Variants in CASZ1 observed in about 807,000 individuals in gnomAD.
CASZ1 encodes the protein castor zinc finger 1.
Under a neutral mutation model 135.2 loss-of-function variants are expected in CASZ1, and 28 were observed. The observed-to-expected ratio is 0.21, with a 90% confidence interval of 0.15 to 0.28. The LOEUF is 0.28. Ranked by LOEUF, CASZ1 falls within the 10% of genes least tolerant of loss-of-function variation. The pLI, the probability that CASZ1 is intolerant of heterozygous loss-of-function variation, is 1.00. For synonymous variants in CASZ1, 1,068 were observed against 1,073.4 expected (o/e 0.99, Z 0.10); for missense variants, 2,161 against 2,453.3 (o/e 0.88, Z 2.52).
Position 10,639,657 on chromosome 1 carries a change from A to C in CASZ1, c.4565T>G (p.Phe1522Cys), listed in dbSNP as rs1642132053. ...GACCTTGGTGCTGTCGGTGCAGCGG[A>C]AGCGGCAGCGCAGGCAGTGGAAGTG... The part of the protein sequence containing the change: ...STHFHCLRCR[F>C]RCTDSTKVTA... The change falls in exon 21 of 21, where the codon TTC becomes TGC. Residue 1522 changes from phenylalanine to cysteine, a missense_variant. Physicochemically the swap from Phe to Cys is radical, Grantham distance 205. This residue lies in a region of CASZ1 where 240 missense variants were observed against 321.4 expected (regional missense o/e 0.75). Transcript: ENST00000377022. The surrounding 1 kb of genome is among the most constrained non-coding windows in gnomAD (Gnocchi z 4.0). 3.1e-6 allele frequency: 5 copies of C among 1,604,182 alleles called. No individual in the cohort carries two copies. Among genetic ancestry groups the C allele is most frequent in the Non-Finnish European group, 3.4e-6 (4 of 1,177,236 alleles).
In CASZ1 at chr1:10,700,106, CACACACACACAG is replaced by C. The variant is rs1639029941; in HGVS notation, c.-24+5374_-24+5385del. 6.6e-6 allele frequency among the ~76,000 whole-genome samples: 1 copy of C among 151,950 alleles called. No homozygotes were observed. Among genetic ancestry groups the C allele is most frequent in the Non-Finnish European group, 1.5e-5 (1 of 67,942 alleles). ...ACACACACACACACACACACACACA[CACACACACACAG>C]AGTATGAAGCAGGGACCTGGGCTAG... On this transcript the variant is annotated intron_variant, in intron 3 of 20. Coordinates refer to ENST00000377022, the MANE Select transcript of CASZ1 (RefSeq NM_001079843.3). The surrounding 1 kb of genome is among the most constrained non-coding windows in gnomAD (Gnocchi z 4.2).
At chr1:10,742,452 A>C (rs532646183) in intron 2 of CASZ1, among the ~76,000 whole-genome samples, 1 of 152,316 alleles carries the variant, frequency 6.6e-6, no homozygotes, top group South Asian at 2.1e-4. Context: ...GAACAGGCAG[A>C]GATTCCAGCC....
In CASZ1 at chr1:10,647,978, G is replaced by A. The variant is rs771060379; in HGVS notation, c.3320C>T (p.Pro1107Leu). ...VSSLEGPAPS[P>L]ASVPSTPTLL... ...GGTGGGGGTGGAGGGCACGGAGGCC[G>A]GGCTGGGAGCGGGCCCCTCCAGAGA... The change falls in exon 16 of 21, where the codon CCG (proline) becomes CTG (leucine). Residue 1107 changes from proline (P) to leucine (L), a missense_variant. This residue lies in a region of CASZ1 where 349 missense variants were observed against 460.8 expected (regional missense o/e 0.76). Transcript: ENST00000377022. This position sits in a 1 kb window ranked among gnomAD's most constrained non-coding sequence, Gnocchi z 4.9. The A allele has an allele frequency of 1.1e-5, 17 of 1,607,944 alleles. No individual in the cohort carries two copies. The highest frequency in any genetic ancestry group is 4.0e-5 in the African/African-American group (3 of 74,808).
chr1:10,663,158 C>T (rs1256771054), intron 5 of CASZ1, among the ~76,000 whole-genome samples: 1 of 152,244 alleles, frequency 6.6e-6, no homozygotes, highest in African/African-American at 2.4e-5. Flanking sequence ...GCTGACTACA[C>T]AGCCAAGGGA....
In CASZ1 at chr1:10,690,989, C is replaced by T. The variant is rs186409245; in HGVS notation, c.16+2885G>A. Among the ~76,000 whole-genome samples, 133 of 152,230 alleles carry T rather than the reference C, an allele frequency of 8.7e-4. 1 individual carries two copies. The highest frequency in any genetic ancestry group is 3.1e-3 in the African/African-American group (130 of 41,514). On this transcript the variant is annotated intron_variant, in intron 4 of 20. Coordinates refer to ENST00000377022, the MANE Select transcript of CASZ1 (RefSeq NM_001079843.3). ...TGTACCTGTGTCTGAAAGCTTCCTC[C>T]CATCTCCCCTCCCCCCTTCCCGCTC... is the stretch of plus-strand genomic sequence containing the variant.
At chr1:10,655,579 G>T (rs890928404) in intron 9 of CASZ1, 70 bp downstream of exon 9, 6 of 1,435,816 alleles carry the variant, frequency 4.2e-6, no homozygotes, top group Non-Finnish European at 5.7e-6. Flanking sequence ...CTCTGGGAGT[G>T]GGGGGCTCAG....
At chr1:10,744,376 C>T (rs982685783) in intron 2 of CASZ1, among the ~76,000 whole-genome samples, 15 of 147,868 alleles carry the variant, frequency 1.0e-4, no homozygotes, top group Non-Finnish European at 1.5e-4. Context: ...CTGGGCACCA[C>T]GAGCAGGCAT....
At position 10,650,733 on chromosome 1, in the gene CASZ1, C is replaced by T. The variant is rs768009827; in HGVS notation, c.2839G>A (p.Val947Ile). ...GATAAAAGAGATGAATTTGCCGGGA[C>T]TGCGTGGCCATTTGATTCGTTGCTA... ...EPSNESNGHA[V>I]PANSSLLSSL... The change falls in exon 13 of 21, where the codon GTC becomes ATC. Residue 947 changes from valine to isoleucine, a missense_variant. This residue lies in a region of CASZ1 where 406 missense variants were observed against 387.6 expected (regional missense o/e 1.05). Coordinates refer to ENST00000377022, the MANE Select transcript of CASZ1 (RefSeq NM_001079843.3). 20 of 1,614,044 alleles carry T rather than the reference C, an allele frequency of 1.2e-5. No individual in the cohort carries two copies. The highest frequency in any genetic ancestry group is 1.6e-5 in the Non-Finnish European group (19 of 1,179,982).
chr1:10,670,855 G>A (rs369746225), intron 4 of CASZ1, among the ~76,000 whole-genome samples: 1 of 151,744 alleles, frequency 6.6e-6, no homozygotes, highest in Admixed American at 6.6e-5. Context: ...GCCAGGACCC[G>A]TCCCCTCCAT....
rs1416629412 is a variant in CASZ1, at chr1:10,709,489, G to A, written c.-76-3945C>T. Among the ~76,000 whole-genome samples, 1 of 152,224 alleles carries A rather than the reference G, an allele frequency of 6.6e-6. No homozygotes were observed. The highest frequency in any genetic ancestry group is 1.5e-5 in the Non-Finnish European group (1 of 68,038). On this transcript the variant is annotated intron_variant, in intron 2 of 20. Coordinates refer to ENST00000377022, the MANE Select transcript of CASZ1 (RefSeq NM_001079843.3). This position sits in a 1 kb window ranked among gnomAD's most constrained non-coding sequence, Gnocchi z 5.1. ...TTCCTGTATTGAGGAGCTGTCAGGA[G>A]CCCGAGTGAGAGTCTCACTACCCCG...
At chr1:10,641,154 G>C (rs762830941) in intron 20 of CASZ1, among the ~76,000 whole-genome samples, 5 of 152,392 alleles carry the variant, frequency 3.3e-5, no homozygotes, top group Non-Finnish European at 7.3e-5. Flanking sequence ...GCCACCCGGA[G>C]TGGACAAAAA....
At chr1:10,715,462 C>T (rs1399621696) in intron 2 of CASZ1, among the ~76,000 whole-genome samples, 1 of 151,856 alleles carries the variant, frequency 6.6e-6, no homozygotes, top group African/African-American at 2.4e-5. Flanking sequence ...GCAGAGATGC[C>T]TCCTCCACTC....
chr1:10,683,760 C>T (rs1285772354), intron 4 of CASZ1, among the ~76,000 whole-genome samples: 2 of 152,164 alleles, frequency 1.3e-5, no homozygotes, highest in South Asian at 2.1e-4. Flanking sequence ...ATGGGCACTC[C>T]GGGATGCCTC....
rs539193388 is a variant in CASZ1, at chr1:10,774,793, C to T, written c.-233-13936G>A. 5.8e-4 allele frequency among the ~76,000 whole-genome samples: 89 copies of T among 152,230 alleles called. No homozygotes were observed. Among genetic ancestry groups the T allele is most frequent in the Non-Finnish European group, 1.0e-3 (69 of 68,010 alleles). On this transcript the variant is annotated intron_variant, in intron 1 of 20. Transcript: ENST00000377022. This position sits in a 1 kb window ranked among gnomAD's most constrained non-coding sequence, Gnocchi z 4.4. ...CCCTCCTCTGTCCCAGCGCCAAGTT[C>T]CCTGCAACCCACAAGCACAGTCCTG...
chr1:10,786,944 G>T (rs1322169446), intron 1 of CASZ1, among the ~76,000 whole-genome samples: 1 of 152,016 alleles, frequency 6.6e-6, no homozygotes, highest in Non-Finnish European at 1.5e-5. Flanking sequence ...ACGGCTTTCT[G>T]GAATGGAATT....
In CASZ1 at chr1:10,781,388, C is replaced by T. The variant is rs955532819; in HGVS notation, c.-234+15176G>A. On this transcript the variant is annotated intron_variant, in intron 1 of 20. Transcript: ENST00000377022. ...AGGGCAAGGGCCACACTCCCGTCTGCGAGGAGAAGCCAAGGAGAACCAAGA... is the reference window on the plus strand; with the variant it reads ...AGGGCAAGGGCCACACTCCCGTCTGTGAGGAGAAGCCAAGGAGAACCAAGA... Among the ~76,000 whole-genome samples the T allele has an allele frequency of 4.6e-5, 7 of 152,226 alleles. No individual in the cohort carries two copies. The South Asian group carries it at 6.2e-4, about 13-fold the overall frequency.
intron 5 of CASZ1, among the ~76,000 whole-genome samples, chr1:10,663,380 G>T (rs946445019): frequency 6.6e-6 from 1 of 150,730 alleles, no homozygotes; most frequent in African/African-American, 2.5e-5. Context: ...GGCACCCAGG[G>T]TGCACAGAGG....
intron 2 of CASZ1, among the ~76,000 whole-genome samples, chr1:10,737,625 C>G (rs1639825503): frequency 1.3e-5 from 2 of 152,242 alleles, no homozygotes; most frequent in Non-Finnish European, 2.9e-5. Context: ...AGTTACATGG[C>G]TGTAAGGGTT....
In CASZ1 at chr1:10,767,415, C is replaced by G. The variant is rs1640495971; in HGVS notation, c.-233-6558G>C. Reference sequence around the variant, plus strand: ...GCCCTGTAAACAACCTGATTTTCCGCCTTCCCAGATCCTAGGCAGATCCCT... The same window carrying G: ...GCCCTGTAAACAACCTGATTTTCCGGCTTCCCAGATCCTAGGCAGATCCCT... On this transcript the variant is annotated intron_variant, in intron 1 of 20. Transcript: ENST00000377022. This position sits in a 1 kb window ranked among gnomAD's most constrained non-coding sequence, Gnocchi z 4.2. Among the ~76,000 whole-genome samples the G allele has an allele frequency of 6.6e-6, 1 of 152,222 alleles. No homozygotes were observed. Among genetic ancestry groups the G allele is most frequent in the Admixed American group, 6.5e-5 (1 of 15,280 alleles).
Sources: gnomAD v4.1 joint callset for allele counts (sites outside exome capture counted in the v4.1 genomes callset) on GRCh38, gnomAD v4.1.1 for gene constraint, gnomAD v4.1.1 regional missense constraint, Gnocchi (gnomAD v3.1) non-coding constraint, MANE v1.5 for transcripts, NCBI Gene and HGNC (gene_info 2026-07-23, HGNC 2026-07-21) for gene names.